BRINP3: variants seen among roughly 807,000 people sequenced by gnomAD.
BRINP3 encodes the protein BMP/retinoic acid-inducible neural-specific protein 3.
BRINP3 carries 19 observed loss-of-function variants against 71.0 expected under a neutral mutation model. The observed-to-expected ratio is 0.27, with a 90% CI of 0.19 to 0.39. The LOEUF (loss-of-function observed/expected upper bound fraction) is 0.39, where lower values mean the gene tolerates loss of function less well. Among genes scored for constraint, BRINP3 ranks in the 10% least tolerant of loss-of-function variants. The pLI is 1.00. For synonymous variants in BRINP3, 380 were observed against 337.7 expected, an observed-to-expected ratio of 1.13 and a Z score of -1.37; for missense variants, 959 against 940.8, an observed-to-expected ratio of 1.02 and a Z score of -0.25.
Position 190,324,977 on chromosome 1 carries a change from T to A in BRINP3, c.237-43227A>T, listed in dbSNP as rs549606154. On this transcript the variant is annotated intron_variant, in intron 2 of 7. Coordinates refer to ENST00000367462, the MANE Select transcript of BRINP3 (RefSeq NM_199051.3). ...TAATAAAAATGTTTTCATAGATGACTAAACCAAAAGATTATAACCTTAATA... is the reference window on the plus strand; with the variant it reads ...TAATAAAAATGTTTTCATAGATGACAAAACCAAAAGATTATAACCTTAATA... 9.2e-5 allele frequency among the ~76,000 whole-genome samples: 14 copies of A among 152,042 alleles called. No individual in the cohort carries two copies. The South Asian group carries it at 2.7e-3, about 29-fold the overall frequency.
intron 2 of BRINP3, among the ~76,000 whole-genome samples, chr1:190,359,311 T>C (rs556889397): frequency 9.3e-4 from 142 of 152,162 alleles, no homozygotes; most frequent in Non-Finnish European, 1.7e-3. Flanking sequence ...TAGACAGATA[T>C]TAACACTGAT....
rs139930885 is a variant in BRINP3 at position 190,198,273 on chromosome 1, A to G, written c.961+27809T>C. 1.3e-3 allele frequency among the ~76,000 whole-genome samples: 197 copies of G among 152,220 alleles called. 2 individuals carry two copies. In the East Asian group the frequency reaches 0.033, roughly 25 times the overall value. ...GAGACTGCTGTGAAAAACCTCTGACATGCCCTGGAGACATTTTCCTCATTG... is the reference window on the plus strand; with the variant it reads ...GAGACTGCTGTGAAAAACCTCTGACGTGCCCTGGAGACATTTTCCTCATTG... On this transcript the variant is annotated intron_variant, in intron 6 of 7. Transcript: ENST00000367462.
At chr1:190,344,753 A>C (rs1480327441) in intron 2 of BRINP3, among the ~76,000 whole-genome samples, 1 of 151,874 alleles carries the variant, frequency 6.6e-6, no homozygotes, top group African/African-American at 2.4e-5. Flanking sequence ...TAAATAATCT[A>C]GCTAAATAAT....
intron 2 of BRINP3, among the ~76,000 whole-genome samples, chr1:190,322,966 A>C (rs1258740567): frequency 6.6e-6 from 1 of 151,966 alleles, no homozygotes; most frequent in South Asian, 2.1e-4. Context: ...TACACATTCA[A>C]AGCGCAGAAG....
intron 2 of BRINP3, among the ~76,000 whole-genome samples, chr1:190,413,721 G>C (rs1238338011): frequency 6.6e-6 from 1 of 152,066 alleles, no homozygotes. Flanking sequence ...TCGGTACTGT[G>C]ACAGAATATA....
chr1:190,455,872 T>C (rs1675950678), intron 1 of BRINP3, among the ~76,000 whole-genome samples: 1 of 152,192 alleles, frequency 6.6e-6, no homozygotes, highest in Non-Finnish European at 1.5e-5. Context: ...AGACACTTTA[T>C]GCAAAGCTGC....
chr1:190,231,824 T>C (rs1658019236), intron 5 of BRINP3, among the ~76,000 whole-genome samples: 1 of 151,900 alleles, frequency 6.6e-6, no homozygotes, highest in African/African-American at 2.4e-5. Flanking sequence ...CATATACCAA[T>C]GGTTAAATCT....
intron 4 of BRINP3, 85 bp from the exon 5 acceptor site, chr1:190,234,562 T>C: frequency 1.0e-6 from 1 of 965,822 alleles, no homozygotes; most frequent in Non-Finnish European, 1.6e-6. Context: ...ACACTAATAT[T>C]ATACGTTTGA....
At chr1:190,388,374 A>G (rs1432778663) in intron 2 of BRINP3, among the ~76,000 whole-genome samples, 1 of 151,836 alleles carries the variant, frequency 6.6e-6, no homozygotes, top group Non-Finnish European at 1.5e-5. Flanking sequence ...ACTGTGACCT[A>G]ATATGAAAAT....
At chr1:190,300,453 A>G (rs150159784) in intron 2 of BRINP3, among the ~76,000 whole-genome samples, 2 of 152,190 alleles carry the variant, frequency 1.3e-5, no homozygotes, top group East Asian at 3.9e-4. Context: ...ACATTCTTCT[A>G]AGGCTCCACC....
chr1:190,448,632 A>T (rs1675397521), intron 2 of BRINP3, among the ~76,000 whole-genome samples: 1 of 151,748 alleles, frequency 6.6e-6, no homozygotes, highest in South Asian at 2.1e-4. Flanking sequence ...AAAATCGATT[A>T]TCTTTTTACT....
chr1:190,455,119 TG>T (rs1361268633), intron 1 of BRINP3, among the ~76,000 whole-genome samples, 179 bp from the exon 2 acceptor site: 1 of 152,228 alleles, frequency 6.6e-6, no homozygotes, highest in African/African-American at 2.4e-5. Flanking sequence ...TTTTATACTT[TG>T]TTCCTTTTTT....
At chr1:190,149,956 GAGAT>G (rs1656239989) in intron 7 of BRINP3, among the ~76,000 whole-genome samples, 1 of 152,032 alleles carries the variant, frequency 6.6e-6, no homozygotes, top group Non-Finnish European at 1.5e-5. Flanking sequence ...TTTAGATTGT[GAGAT>G]AGGAGATTTT....
At chr1:190,158,725 A>G (rs1394989185) in intron 7 of BRINP3, among the ~76,000 whole-genome samples, 9 of 152,042 alleles carry the variant, frequency 5.9e-5, no homozygotes, top group Non-Finnish European at 1.3e-4. Context: ...TTAAACACAC[A>G]GCAAAGAGGA....
intron 7 of BRINP3, among the ~76,000 whole-genome samples, chr1:190,158,555 G>A (rs894988156): frequency 6.6e-6 from 1 of 151,864 alleles, no homozygotes; most frequent in East Asian, 1.9e-4. Context: ...TCAAACCTCA[G>A]CATCATGCAA....
intron 2 of BRINP3, among the ~76,000 whole-genome samples, chr1:190,434,899 T>C (rs1674353887): frequency 6.6e-6 from 1 of 152,150 alleles, no homozygotes; most frequent in South Asian, 2.1e-4. Context: ...TTGCCCCTAA[T>C]GTAAAAATTC....
chr1:190,419,967 G>T (rs1400817051), intron 2 of BRINP3, among the ~76,000 whole-genome samples: 2 of 151,960 alleles, frequency 1.3e-5, no homozygotes, highest in Non-Finnish European at 2.9e-5. Context: ...TATCAGCTGT[G>T]TTGGTATAAT....
chr1:190,376,480 G>A (rs1304569756), intron 2 of BRINP3, among the ~76,000 whole-genome samples: 3 of 151,972 alleles, frequency 2.0e-5, no homozygotes, highest in African/African-American at 4.8e-5. Flanking sequence ...TTGTGACTTA[G>A]TATGCATTTT....
At chr1:190,102,051 G>A (rs1176454851) in intron 7 of BRINP3, among the ~76,000 whole-genome samples, 3 of 152,260 alleles carry the variant, frequency 2.0e-5, no homozygotes, top group African/African-American at 7.2e-5. Flanking sequence ...GAGATAGTAT[G>A]TAGATTTTCT....
Sources: gnomAD v4.1 joint callset for allele counts (sites outside exome capture counted in the v4.1 genomes callset) on GRCh38, gnomAD v4.1.1 for gene constraint, MANE v1.5 for transcripts, NCBI Gene and HGNC (gene_info 2026-07-23, HGNC 2026-07-21) for gene names.